Variants in FAM149A observed in about 807,000 individuals in gnomAD.
FAM149A encodes the protein protein FAM149A.
Under a neutral mutation model 78.2 loss-of-function variants are expected in FAM149A, and 71 were observed. The ratio of observed to expected loss-of-function variants is 0.91; its 90% CI spans 0.75 to 1.11. The LOEUF is 1.11. FAM149A is among the 50% of genes least tolerant of loss of function. The probability of loss-of-function intolerance (pLI) is 0.00; values close to 1 mark genes in which losing one functional copy is unlikely to be tolerated. For missense variants in FAM149A, 1,036 were observed against 971.0 expected, an observed-to-expected ratio of 1.07 and a Z score of -0.89; for synonymous variants, 446 against 410.5, an observed-to-expected ratio of 1.09 and a Z score of -1.04.
At chr4:186,120,553 G>A (rs2150090249) in intron 1 of FAM149A, among the ~76,000 whole-genome samples, 1 of 152,032 alleles carries the variant, frequency 6.6e-6, no homozygotes, top group Non-Finnish European at 1.5e-5. Context: ...CAGCACTTTG[G>A]GAGGCCGAGG....
chr4:186,159,946 ACAC>A (rs1197355840), intron 8 of FAM149A, among the ~76,000 whole-genome samples: 1 of 148,628 alleles, frequency 6.7e-6, no homozygotes, highest in Non-Finnish European at 1.5e-5. Context: ...ACACAGACAC[ACAC>A]CACACCACTC....
At chr4:186,147,398 A>T (rs985466425) in intron 1 of FAM149A, among the ~76,000 whole-genome samples, 1 of 152,182 alleles carries the variant, frequency 6.6e-6, no homozygotes, top group African/African-American at 2.4e-5. Flanking sequence ...AATAATAATA[A>T]CATAACAATA....
intron 8 of FAM149A, among the ~76,000 whole-genome samples, chr4:186,158,999 G>A (rs2126505940): frequency 6.6e-6 from 1 of 152,346 alleles, no homozygotes; most frequent in Admixed American, 6.5e-5. Flanking sequence ...GCTCTGAGAT[G>A]TGAAGCTGTT....
chr4:186,145,400 C>T (rs1732958481), intron 1 of FAM149A, among the ~76,000 whole-genome samples: 1 of 152,110 alleles, frequency 6.6e-6, no homozygotes, highest in Non-Finnish European at 1.5e-5. Context: ...CCCTGTGTGT[C>T]CCCCCATCCA....
At chr4:186,110,367 TA>T (rs1387739779) in intron 1 of FAM149A, 2 of 943,684 alleles carry the variant, frequency 2.1e-6, no homozygotes, top group African/African-American at 3.6e-5. Context: ...TGGCTCAGTG[TA>T]CAATTGTCAT....
chr4:186,150,948 C>T (rs989546170), intron 3 of FAM149A: 1 of 745,946 alleles, frequency 1.3e-6, no homozygotes, highest in African/African-American at 1.9e-5. Context: ...TTTCGAACTC[C>T]TGACGTTGTG....
intron 1 of FAM149A, chr4:186,125,138 A>G (rs897265318): frequency 5.4e-5 from 21 of 386,960 alleles, no homozygotes; most frequent in Middle Eastern, 1.3e-3. Flanking sequence ...CAGTGTGGTC[A>G]TGTGTCCACA....
intron 5 of FAM149A, 22 bp downstream of exon 5, chr4:186,153,792 T>G: frequency 6.3e-7 from 1 of 1,576,352 alleles, no homozygotes; most frequent in Non-Finnish European, 8.7e-7. Context: ...TAAGTGACTC[T>G]CAAAAAGTAT....
Position 186,144,729 on chromosome 4 carries a change from C to A in FAM149A, c.567-4444C>A. ...GCTTTCCCGGAGGTCGGCGCGGGGC[C>A]GGGGCCGGGGCCGGGGCCCGGAGCG... is the stretch of plus-strand genomic sequence containing the variant. On this transcript the variant is annotated intron_variant, in intron 1 of 13. Transcript: ENST00000389354. The surrounding 1 kb of genome is among the most constrained non-coding windows in gnomAD (Gnocchi z 4.2). 1.4e-6 allele frequency: 1 copy of A among 725,238 alleles called. No homozygotes were observed. Among genetic ancestry groups the A allele is most frequent in the Non-Finnish European group, 1.6e-6 (1 of 639,972 alleles). 44.9% of individuals were successfully genotyped at this position (725,238 alleles called of 1,614,324 possible). A position where few individuals can be genotyped will look rare whatever the true frequency, so the allele number is the denominator to read the frequency against.
chr4:186,143,288 G>A (rs921788673), intron 1 of FAM149A, among the ~76,000 whole-genome samples: 1 of 149,754 alleles, frequency 6.7e-6, no homozygotes, highest in African/African-American at 2.5e-5. Flanking sequence ...CATCACACCA[G>A]ACTCCTTTCT....
intron 1 of FAM149A, among the ~76,000 whole-genome samples, chr4:186,132,632 A>C (rs921150304): frequency 3.3e-5 from 5 of 152,190 alleles, no homozygotes; most frequent in Admixed American, 1.3e-4. Context: ...GTATGGTCTC[A>C]CTACTGAATC....
intron 1 of FAM149A, chr4:186,145,148 C>T: frequency 1.0e-6 from 1 of 985,536 alleles, no homozygotes; most frequent in Non-Finnish European, 1.2e-6. Flanking sequence ...CGCCTTCTGG[C>T]CGCTCTGCAG....
chr4:186,149,282 T>C lies in FAM149A; in HGVS notation c.676T>C (p.Cys226Arg). 1 of 1,284,700 alleles carries C rather than the reference T, an allele frequency of 7.8e-7. No homozygotes were observed. The highest frequency in any genetic ancestry group is 1.0e-6 in the Non-Finnish European group (1 of 987,624). 79.6% of individuals were successfully genotyped at this position (1,284,700 alleles called of 1,614,324 possible). A position where few individuals can be genotyped will look rare whatever the true frequency, so the allele number is the denominator to read the frequency against. ...GCAGAAAGCCATTGATAAATATACCTGGTAAGAATTCACCTTGCTTCAGAT... is the reference window on the plus strand; with the variant it reads ...GCAGAAAGCCATTGATAAATATACCCGGTAAGAATTCACCTTGCTTCAGAT... Residue 226 changes from cysteine to arginine, a missense_variant and splice_region_variant, in exon 2 of 14, where the codon TGC becomes CGC. By Grantham distance (180) the Cys-to-Arg change is radical. Around this residue, in one of 3 missense-constraint regions of FAM149A, gnomAD observed 716 missense variants for 711.8 expected, o/e 1.01. Coordinates refer to ENST00000389354, the MANE Select transcript of FAM149A (RefSeq NM_001367768.3).
Position 186,163,584 on chromosome 4 carries a change from C to CT in FAM149A, c.1841dup (p.Thr616AsnfsTer6). 1 of 1,614,186 alleles carries CT rather than the reference C, an allele frequency of 6.2e-7. No homozygotes were observed. ...TTCTCTTGCTTCAGATTCACAGAGA[C>CT]TAAAAACTCCCAACATCTATAGTGA... On this transcript the variant is annotated frameshift_variant, in exon 10 of 14. Coordinates refer to ENST00000389354, the MANE Select transcript of FAM149A (RefSeq NM_001367768.3). LOFTEE classifies it high-confidence loss of function.
At chr4:186,130,293 C>CTCTCTCTCTCTCTCTCTCTCTATA in intron 1 of FAM149A, 149 of 46,542 alleles carry the variant, frequency 3.2e-3, no homozygotes, top group South Asian at 6.4e-3. Flanking sequence ...CTCTCTCTCT[C>CTCTCTCTCTCTCTCTCTCTCTATA]TATATATATA....
chr4:186,170,738 C>G (rs181635277), intron 13 of FAM149A: 3 of 152,568 alleles, frequency 2.0e-5, no homozygotes, highest in African/African-American at 7.2e-5. Flanking sequence ...GTGGAACCTT[C>G]CCCACTGAAC....
intron 1 of FAM149A, chr4:186,125,887 G>A (rs2055914): frequency 0.13 from 130,710 of 985,152 alleles, 9,244 homozygotes; most frequent in African/African-American, 0.23. Flanking sequence ...TCACACGAAC[G>A]AGTGTGGCAC....
intron 1 of FAM149A, chr4:186,125,668 C>T: frequency 1.0e-6 from 1 of 978,422 alleles, no homozygotes; most frequent in African/African-American, 1.7e-5. Flanking sequence ...CAGCAGAGCG[C>T]TTGGCTGAAA....
At position 186,173,070 on chromosome 4, in the gene FAM149A, A is replaced by G. The variant is rs1174109479; in HGVS notation, c.*1083A>G. Among the ~76,000 whole-genome samples the G allele has an allele frequency of 4.4e-5, 5 of 112,628 alleles. 2 individuals carry two copies. In the East Asian group the frequency reaches 1.1e-3, roughly 25 times the overall value. The allele number at this position is 112,628 out of a possible 152,430, so 73.9% of individuals were successfully genotyped here. ...TCATCAGTCTAATTTTTACTAATCC[A>G]AACTGTAACTTTATAAGGCTATATA... On this transcript the variant is annotated 3_prime_UTR_variant, in exon 14 of 14. Transcript: ENST00000389354.
Sources: gnomAD v4.1 joint callset for allele counts (sites outside exome capture counted in the v4.1 genomes callset) on GRCh38, gnomAD v4.1.1 for gene constraint, gnomAD v4.1.1 regional missense constraint, Gnocchi (gnomAD v3.1) non-coding constraint, MANE v1.5 for transcripts, NCBI Gene and HGNC (gene_info 2026-07-23, HGNC 2026-07-21) for gene names.